The following CORO2B variants were observed in gnomAD, a reference collection of about 807,000 sequenced individuals.
CORO2B encodes the protein coronin-2B.
Under a neutral mutation model 58.8 loss-of-function variants are expected in CORO2B, and 26 were observed. The observed-to-expected ratio is 0.44, with a 90% CI of 0.32 to 0.61. The LOEUF is 0.61. Ranked by LOEUF, CORO2B falls within the 20% of genes least tolerant of loss-of-function variation. The pLI is 0.04. For missense variants in CORO2B, 460 were observed against 645.1 expected, an observed-to-expected ratio of 0.71 and a Z score of 3.11; for synonymous variants, 242 against 253.8, an observed-to-expected ratio of 0.95 and a Z score of 0.44.
the CORO2B span, among the ~76,000 whole-genome samples, chr15:68,567,297 G>T: frequency 6.6e-6 from 1 of 152,158 alleles, no homozygotes. Context: ...CTCCATAAGA[G>T]AGTGAAGTTC....
chr15:68,715,975 C>T (rs1032927267), intron 8 of CORO2B, among the ~76,000 whole-genome samples: 1 of 152,234 alleles, frequency 6.6e-6, no homozygotes, highest in African/African-American at 2.4e-5. Flanking sequence ...CCCGTTCCCA[C>T]CTCTGCGGGT....
At chr15:68,617,927 G>C (rs1900408394) in intron 1 of CORO2B, among the ~76,000 whole-genome samples, 1 of 152,098 alleles carries the variant, frequency 6.6e-6, no homozygotes, top group African/African-American at 2.4e-5. Flanking sequence ...TGCCATTCTG[G>C]ATTACTAGAT....
At chr15:68,531,755 T>C in the CORO2B span, among the ~76,000 whole-genome samples, 1 of 151,964 alleles carries the variant, frequency 6.6e-6, no homozygotes, top group Non-Finnish European at 1.5e-5. Flanking sequence ...ATGCTCTCTA[T>C]TGTTTTAAGT....
At chr15:68,626,254 C>A (rs1246122273) in intron 1 of CORO2B, among the ~76,000 whole-genome samples, 1 of 152,162 alleles carries the variant, frequency 6.6e-6, no homozygotes, top group Non-Finnish European at 1.5e-5. Flanking sequence ...GTAATTGGAG[C>A]ATCCCCCTCC....
chr15:68,596,420 A>G lies in CORO2B; in HGVS notation c.15+17143A>G, dbSNP rs1449768540. On this transcript the variant is annotated intron_variant, in intron 1 of 11. Coordinates refer to ENST00000261861, the MANE Select transcript of CORO2B (RefSeq NM_006091.5). The stretch of plus-strand genomic sequence containing the variant: ...TGGAATGAAGGGGGGATAGAGCCCC[A>G]TGGGATCTAGGGGGATCTTTCTGGC... Among the ~76,000 whole-genome samples, 3 of 150,408 alleles carry G rather than the reference A, an allele frequency of 2.0e-5. No homozygotes were observed. The South Asian group carries it at 6.4e-4, about 32-fold the overall frequency.
At chr15:68,553,032 A>C in the CORO2B span, among the ~76,000 whole-genome samples, 1 of 152,228 alleles carries the variant, frequency 6.6e-6, no homozygotes, top group African/African-American at 2.4e-5. Context: ...CAGGCCCCGG[A>C]AACATGGGGC....
At chr15:68,674,190 G>C (rs560449971) in intron 2 of CORO2B, among the ~76,000 whole-genome samples, 1 of 152,190 alleles carries the variant, frequency 6.6e-6, no homozygotes, top group South Asian at 2.1e-4. Flanking sequence ...CTCTGCTGGT[G>C]GAATGCTGGT....
chr15:68,535,821 G>A, the CORO2B span, among the ~76,000 whole-genome samples: 2 of 152,146 alleles, frequency 1.3e-5, no homozygotes, highest in Admixed American at 1.3e-4. Flanking sequence ...TGGAAACTTG[G>A]TTTGTAAGAA....
chr15:68,708,651 C>T (rs1481484040), intron 3 of CORO2B, among the ~76,000 whole-genome samples: 5 of 151,652 alleles, frequency 3.3e-5, no homozygotes, highest in Non-Finnish European at 7.4e-5. Flanking sequence ...CGTGAGCCAC[C>T]GTGCCTGGCC....
the CORO2B span, among the ~76,000 whole-genome samples, chr15:68,567,722 G>A: frequency 6.6e-6 from 1 of 152,320 alleles, no homozygotes; most frequent in Admixed American, 6.5e-5. Context: ...AAGTCCTGTA[G>A]AAATGTTGGC....
At chr15:68,717,239 G>A (rs973066327) in intron 8 of CORO2B, among the ~76,000 whole-genome samples, 1 of 151,808 alleles carries the variant, frequency 6.6e-6, no homozygotes, top group African/African-American at 2.4e-5. Flanking sequence ...GCTTGAACCC[G>A]GGAGGCAGAG....
At chr15:68,699,348 A>C (rs755577167) in intron 3 of CORO2B, among the ~76,000 whole-genome samples, 12 of 152,114 alleles carry the variant, frequency 7.9e-5, no homozygotes, top group Non-Finnish European at 8.8e-5. Context: ...CGCTCCAGGG[A>C]ACCAAGGGGA....
At chr15:68,682,541 C>A (rs766385054) in intron 2 of CORO2B, among the ~76,000 whole-genome samples, 1 of 152,126 alleles carries the variant, frequency 6.6e-6, no homozygotes, top group African/African-American at 2.4e-5. Flanking sequence ...ATTCTCTGAT[C>A]GACTGGTAGG....
intron 2 of CORO2B, among the ~76,000 whole-genome samples, chr15:68,681,440 T>C (rs1453110498): frequency 6.6e-6 from 1 of 151,804 alleles, no homozygotes; most frequent in Admixed American, 6.6e-5. Flanking sequence ...AAACCAAGGG[T>C]TAGGACACCC....
At chr15:68,560,633 C>T in the CORO2B span, among the ~76,000 whole-genome samples, 1 of 152,146 alleles carries the variant, frequency 6.6e-6, no homozygotes, top group African/African-American at 2.4e-5. Context: ...CACCAGCAGC[C>T]GGCAGTGTGC....
chr15:68,524,774 A>G, the CORO2B span, among the ~76,000 whole-genome samples: 3 of 152,164 alleles, frequency 2.0e-5, no homozygotes. Flanking sequence ...AAGCCAGAAC[A>G]TTTTCCTGAA....
At chr15:68,544,979 G>A in the CORO2B span, among the ~76,000 whole-genome samples, 1,016 of 152,262 alleles carry the variant, frequency 6.7e-3, 15 homozygotes, top group African/African-American at 0.024. Flanking sequence ...GTTTCACCGT[G>A]TTAGCCAGGA....
chr15:68,588,461 CA>C (rs1179279728), intron 1 of CORO2B, among the ~76,000 whole-genome samples: 7 of 152,158 alleles, frequency 4.6e-5, no homozygotes, highest in African/African-American at 1.7e-4. Flanking sequence ...ATAAAGCATC[CA>C]AACCTTGATC....
rs142098367 is a variant in CORO2B, at chr15:68,610,280, C to T, written c.15+31003C>T. Among the ~76,000 whole-genome samples, 64 of 152,242 alleles carry T rather than the reference C, an allele frequency of 4.2e-4. No individual in the cohort carries two copies. The East Asian group carries it at 4.5e-3, about 11-fold the overall frequency. ...AGACAGGTTCTCTAGCGCCTCGCCT[C>T]GTTTACAAAGCAAATGGTTGAACCA... On this transcript the variant is annotated intron_variant, in intron 1 of 11. Transcript: ENST00000261861.
Sources: allele counts gnomAD v4.1 joint callset (sites outside exome capture counted in the v4.1 genomes callset), GRCh38; gene constraint gnomAD v4.1.1; transcripts MANE v1.5; gene names NCBI Gene and HGNC (gene_info 2026-07-23, HGNC 2026-07-21).